The following DYNC2H1 variants were observed in gnomAD, a reference collection of about 807,000 sequenced individuals.
DYNC2H1 encodes dynein cytoplasmic 2 heavy chain 1.
DYNC2H1 carries 410 observed loss-of-function variants against 570.0 expected under a neutral mutation model. That is an observed-to-expected ratio of 0.72 (90% CI 0.66 to 0.78). The LOEUF (loss-of-function observed/expected upper bound fraction) is 0.78, where lower values mean the gene tolerates loss of function less well. Ranked by LOEUF, DYNC2H1 falls within the 30% of genes least tolerant of loss-of-function variation. The pLI is 0.00. For synonymous variants in DYNC2H1, 1,688 were observed against 1,677.6 expected, an observed-to-expected ratio of 1.01 and a Z score of -0.15; for missense variants, 4,865 against 5,046.4, an observed-to-expected ratio of 0.96 and a Z score of 1.09.
intron 60 of DYNC2H1, among the ~76,000 whole-genome samples, chr11:103,231,661 A>G (rs1864016907): frequency 6.6e-6 from 1 of 152,072 alleles, no homozygotes; most frequent in Admixed American, 6.6e-5. Flanking sequence ...TGGTATGGGA[A>G]TTATAAATGT....
chr11:103,229,796 C>T (rs1863936903), intron 59 of DYNC2H1, among the ~76,000 whole-genome samples: 1 of 152,108 alleles, frequency 6.6e-6, no homozygotes, highest in Non-Finnish European at 1.5e-5. Context: ...TGGGCTGGAA[C>T]ATATTTTGAG....
chr11:103,397,974 C>A (rs528127949), intron 83 of DYNC2H1, among the ~76,000 whole-genome samples: 1 of 152,264 alleles, frequency 6.6e-6, no homozygotes, highest in South Asian at 2.1e-4. Flanking sequence ...CTTCAATGAT[C>A]TAAGTTTGAG....
chr11:103,398,357 T>C (rs557889124), intron 83 of DYNC2H1, among the ~76,000 whole-genome samples: 2 of 152,292 alleles, frequency 1.3e-5, no homozygotes, highest in South Asian at 4.1e-4. Context: ...TTTCAGAGTA[T>C]TAATATTGTA....
intron 85 of DYNC2H1, among the ~76,000 whole-genome samples, chr11:103,452,943 G>T (rs1164383261): frequency 6.6e-6 from 1 of 151,894 alleles, no homozygotes; most frequent in Non-Finnish European, 1.5e-5. Context: ...AATAATGGAG[G>T]TAAACTCGAT....
At chr11:103,388,151 G>C (rs12292470) in intron 83 of DYNC2H1, among the ~76,000 whole-genome samples, 7,740 of 151,948 alleles carry the variant, frequency 0.051, 357 homozygotes, top group African/African-American at 0.13. Context: ...AATGTTCTTC[G>C]ATTTGTTTGT....
chr11:103,340,757 G>A (rs1392556949), intron 82 of DYNC2H1, among the ~76,000 whole-genome samples: 2 of 152,002 alleles, frequency 1.3e-5, no homozygotes, highest in Admixed American at 1.3e-4. Flanking sequence ...CGTAACTATT[G>A]TCTGGCCAGC....
intron 6 of DYNC2H1, among the ~76,000 whole-genome samples, chr11:103,118,401 C>T (rs1470714616): frequency 6.6e-6 from 1 of 151,292 alleles, no homozygotes; most frequent in African/African-American, 2.4e-5. Flanking sequence ...ATATTTCAAA[C>T]ATATTAAAAA....
intron 52 of DYNC2H1, among the ~76,000 whole-genome samples, chr11:103,207,365 A>G (rs1489227488): frequency 6.6e-6 from 1 of 152,066 alleles, no homozygotes; most frequent in Non-Finnish European, 1.5e-5. Flanking sequence ...GAGTAAGTGC[A>G]CAGCAAATGG....
chr11:103,445,362 G>A (rs1175547655), intron 85 of DYNC2H1, among the ~76,000 whole-genome samples: 1 of 152,150 alleles, frequency 6.6e-6, no homozygotes, highest in Non-Finnish European at 1.5e-5. Flanking sequence ...CCATCTTAAA[G>A]TATGATTTTA....
At chr11:103,292,013 G>C (rs538314481) in intron 75 of DYNC2H1, among the ~76,000 whole-genome samples, 14 of 152,114 alleles carry the variant, frequency 9.2e-5, no homozygotes, top group African/African-American at 3.1e-4. Flanking sequence ...TTCAACCACT[G>C]TTTCTCTTTT....
At position 103,152,598 on chromosome 11, in the gene DYNC2H1, A is replaced by T. The variant is rs1272114455; in HGVS notation, c.3096+313A>T. On this transcript the variant is annotated intron_variant, in intron 21 of 88. Coordinates refer to ENST00000375735, the MANE Select transcript of DYNC2H1 (RefSeq NM_001377.3). ...AACTCATGTTTTCTTTAATTACTAA[A>T]TTTATTAGGATATCAGTTTAACTAC... Among the ~76,000 whole-genome samples the T allele has an allele frequency of 2.0e-5, 3 of 152,102 alleles. No homozygotes were observed. In the East Asian group the frequency reaches 5.8e-4, roughly 29 times the overall value.
At position 103,199,079 on chromosome 11, in the gene DYNC2H1, A is replaced by G. The variant is rs2135078371; in HGVS notation, c.7840-149A>G. 1 of 488,516 alleles carries G rather than the reference A, an allele frequency of 2.0e-6. No homozygotes were observed. Among genetic ancestry groups the G allele is most frequent in the Non-Finnish European group, 3.4e-6 (1 of 295,638 alleles). 30.3% of individuals were successfully genotyped at this position (488,516 alleles called of 1,614,324 possible). A position where few individuals can be genotyped will look rare whatever the true frequency, so the allele number is the denominator to read the frequency against. ...ATATTTATCCAGGATTACCAGACAT[A>G]TAAAATATTGAGTGTGAGATGATAT... is the stretch of plus-strand genomic sequence containing the variant. On this transcript the variant is annotated intron_variant, in intron 48 of 88. Transcript: ENST00000375735. This position sits in a 1 kb window ranked among gnomAD's most constrained non-coding sequence, Gnocchi z 4.6.
rs201366764 is a variant in DYNC2H1 at position 103,445,799 on chromosome 11, A to G, written c.12457-9387A>G. 3.3e-5 allele frequency among the ~76,000 whole-genome samples: 5 copies of G among 152,160 alleles called. No individual in the cohort carries two copies. In the East Asian group the frequency reaches 7.7e-4, roughly 24 times the overall value. On this transcript the variant is annotated intron_variant, in intron 85 of 88. Coordinates refer to ENST00000375735, the MANE Select transcript of DYNC2H1 (RefSeq NM_001377.3). ...CCCTAGCAGCTGGGACTACAGGCGC[A>G]CACCATCATGCCCGGCTAATTTTTT...
chr11:103,304,481 T>C, intron 76 of DYNC2H1, 114 bp from the exon 77 acceptor site: 1 of 1,145,226 alleles, frequency 8.7e-7, no homozygotes, highest in Non-Finnish European at 1.1e-6. Flanking sequence ...CCAAATTTAT[T>C]ATTAAAGCCA....
At position 103,304,576 on chromosome 11, in the gene DYNC2H1, T is replaced by G; in HGVS notation, c.11257-19T>G. On this transcript the variant is annotated intron_variant, in intron 76 of 88. Coordinates refer to ENST00000375735, the MANE Select transcript of DYNC2H1 (RefSeq NM_001377.3). Reference sequence around the variant, plus strand: ...AGCAGATCTGTTTTTAAATTTTGTTTGTTTTTTTGCTTTTGTAGGTTGCCA... The same window carrying G: ...AGCAGATCTGTTTTTAAATTTTGTTGGTTTTTTTGCTTTTGTAGGTTGCCA... 1 of 1,605,016 alleles carries G rather than the reference T, an allele frequency of 6.2e-7. No homozygotes were observed. The highest frequency in any genetic ancestry group is 8.5e-7 in the Non-Finnish European group (1 of 1,174,924).
At chr11:103,166,096 G>A in intron 31 of DYNC2H1, 48 bp downstream of exon 31, 1 of 1,440,676 alleles carries the variant, frequency 6.9e-7, no homozygotes, top group Non-Finnish European at 9.2e-7. Flanking sequence ...GTTATTTTTT[G>A]GTATTCTATC....
intron 73 of DYNC2H1, among the ~76,000 whole-genome samples, chr11:103,284,484 A>G (rs967622531): frequency 1.3e-5 from 2 of 152,218 alleles, no homozygotes; most frequent in African/African-American, 2.4e-5. Context: ...TTACCTTGTC[A>G]TAATGGTTGA....
At chr11:103,315,854 A>T (rs2135425990) in intron 79 of DYNC2H1, among the ~76,000 whole-genome samples, 1 of 152,172 alleles carries the variant, frequency 6.6e-6, no homozygotes, top group African/African-American at 2.4e-5. Flanking sequence ...CTGACATATA[A>T]TACATATTTT....
In DYNC2H1 at chr11:103,117,818, A is replaced by G. The variant is rs778594253; in HGVS notation, c.954A>G (p.Lys318=). Residue 318 remains lysine (K), a synonymous_variant, in exon 6 of 89, where the codon AAA becomes AAG. Coordinates refer to ENST00000375735, the MANE Select transcript of DYNC2H1 (RefSeq NM_001377.3). ...TTCCTCATCCATGGAAAAATGAAAA[A>G]TATTTTCCAGAAACACTTGACAAAC... is the stretch of plus-strand genomic sequence containing the variant. ...RYVPHPWKNE[K]YFPETLDKLG... 4.4e-5 allele frequency: 71 copies of G among 1,613,012 alleles called. No homozygotes were observed. Among genetic ancestry groups the G allele is most frequent in the Non-Finnish European group, 5.6e-5 (66 of 1,179,332 alleles).
Sources: allele counts gnomAD v4.1 joint callset (sites outside exome capture counted in the v4.1 genomes callset), GRCh38; gene constraint gnomAD v4.1.1; non-coding constraint Gnocchi (gnomAD v3.1); transcripts MANE v1.5; gene names NCBI Gene and HGNC (gene_info 2026-07-23, HGNC 2026-07-21).